Variants in ABHD18 observed in about 807,000 individuals in gnomAD.
ABHD18 encodes cardiolipin-specific deacylase, mitochondrial.
In ABHD18, 55 loss-of-function variants were observed where a neutral mutation model predicts 65.9. The ratio of observed to expected loss-of-function variants is 0.84; its 90% CI spans 0.67 to 1.05. The LOEUF (loss-of-function observed/expected upper bound fraction) is 1.05, where lower values mean the gene tolerates loss of function less well. Ranked by LOEUF, ABHD18 falls within the 50% of genes least tolerant of loss-of-function variation. ABHD18 has a pLI of 0.00. For synonymous variants in ABHD18, 181 were observed against 180.2 expected (o/e 1.00, Z -0.04); for missense variants, 533 against 558.5 (o/e 0.95, Z 0.46).
In ABHD18 at chr4:128,017,435, C is replaced by T. The variant is rs372458384; in HGVS notation, c.543C>T (p.Leu181=). The change falls in exon 8 of 13, where the codon CTC becomes CTT. Residue 181 remains leucine, a synonymous_variant. Coordinates refer to ENST00000645843, the MANE Select transcript of ABHD18 (RefSeq NM_001358451.3). Reference sequence around the variant, plus strand: ...CTCTTGTTTTAGAATCTGCAGCTCTCTTGCACTGGCTAGAGAGGGAAGGTT... The same window carrying T: ...CTCTTGTTTTAGAATCTGCAGCTCTTTTGCACTGGCTAGAGAGGGAAGGTT... The part of the protein sequence containing the change: ...GGALVLESAA[L]LHWLEREGYG... 23 of 1,613,594 alleles carry T rather than the reference C, an allele frequency of 1.4e-5. No individual in the cohort carries two copies. Among genetic ancestry groups the T allele is most frequent in the Non-Finnish European group, 1.9e-5 (22 of 1,179,796 alleles).
chr4:128,011,578 TATTAA>T, intron 6 of ABHD18, 90 bp from the exon 7 acceptor site: 1 of 832,588 alleles, frequency 1.2e-6, no homozygotes, highest in East Asian at 2.8e-5. Flanking sequence ...GTTATTTCAG[TATTAA>T]ATTGTGTAAA....
At chr4:128,023,095 A>G (rs1277506276) in intron 10 of ABHD18, among the ~76,000 whole-genome samples, 2 of 151,912 alleles carry the variant, frequency 1.3e-5, no homozygotes, top group African/African-American at 2.4e-5. Flanking sequence ...TAAATTTTTT[A>G]CTGTTTGAAA....
chr4:128,028,835 CAT>C lies in ABHD18; in HGVS notation c.1163_1164del (p.His388ArgfsTer9). ...GAAAGGAGTCATGGATGAATGTACT[CAT>C]GTAGCAAATTTCTCAGGTACTAATT... ...FMKGVMDECT[H>X]VANFSVPVDP... On this transcript the variant is annotated frameshift_variant, in exon 11 of 13. Transcript: ENST00000645843. LOFTEE classifies it high-confidence loss of function. The C allele has an allele frequency of 6.4e-7, 1 of 1,553,418 alleles. No individual in the cohort carries two copies. Among genetic ancestry groups the C allele is most frequent in the South Asian group, 1.2e-5 (1 of 81,488 alleles).
rs541490315 is a variant in ABHD18 at position 127,982,906 on chromosome 4, T to C, written c.-17-33T>C. On this transcript the variant is annotated intron_variant, in intron 1 of 12. Coordinates refer to ENST00000645843, the MANE Select transcript of ABHD18 (RefSeq NM_001358451.3). Reference sequence around the variant, plus strand: ...ACCTGCTACCTTGAAACAAATAAAATATTTTAAAGCCATTTTAAATTTTGT... The same window carrying C: ...ACCTGCTACCTTGAAACAAATAAAACATTTTAAAGCCATTTTAAATTTTGT... The C allele has an allele frequency of 5.9e-6, 7 of 1,182,950 alleles. No homozygotes were observed. In the South Asian group the frequency reaches 1.1e-4, roughly 19 times the overall value. 73.3% of individuals were successfully genotyped at this position (1,182,950 alleles called of 1,614,324 possible).
chr4:127,971,565 A>G (rs1448519289), intron 1 of ABHD18, among the ~76,000 whole-genome samples: 1 of 122,646 alleles, frequency 8.2e-6, no homozygotes. Context: ...ATCCTGGCTT[A>G]CTGCAACCTC....
chr4:128,001,779 C>G, intron 4 of ABHD18: 1 of 1,540,218 alleles, frequency 6.5e-7, no homozygotes, highest in Non-Finnish European at 8.7e-7. Flanking sequence ...CCAGTTATTT[C>G]TCTCTAGAAA....
At chr4:127,977,844 T>C (rs1230313424) in intron 1 of ABHD18, among the ~76,000 whole-genome samples, 1 of 152,120 alleles carries the variant, frequency 6.6e-6, no homozygotes, top group Non-Finnish European at 1.5e-5. Context: ...ATGGTAGTTA[T>C]CACAAATACT....
intron 10 of ABHD18, among the ~76,000 whole-genome samples, chr4:128,026,367 G>A (rs1210009707): frequency 2.0e-5 from 3 of 151,824 alleles, no homozygotes; most frequent in African/African-American, 4.8e-5. Context: ...GCTGAGGCAG[G>A]AGAATCGCTT....
rs763242274 is a variant in ABHD18, at chr4:128,009,058, A to G, written c.358-49A>G. 1.5e-5 allele frequency: 23 copies of G among 1,583,274 alleles called. 1 individual carries two copies. Among genetic ancestry groups the G allele is most frequent in the Middle Eastern group, 3.3e-4 (2 of 5,996 alleles). ...AATTTGTTAACATATTCTCCTTAAC[A>G]GAAGTGGCTACTATATTCTTTTGAG... On this transcript the variant is annotated intron_variant, in intron 5 of 12. Coordinates refer to ENST00000645843, the MANE Select transcript of ABHD18 (RefSeq NM_001358451.3).
intron 1 of ABHD18, among the ~76,000 whole-genome samples, chr4:127,978,063 A>G (rs1318678946): frequency 1.3e-5 from 2 of 152,130 alleles, no homozygotes; most frequent in Non-Finnish European, 2.9e-5. Context: ...TTATGTCATG[A>G]CATAAACTGA....
intron 1 of ABHD18, among the ~76,000 whole-genome samples, chr4:127,979,791 C>CA (rs111438736): frequency 6.6e-6 from 1 of 151,550 alleles, no homozygotes; most frequent in African/African-American, 2.4e-5. Flanking sequence ...TGCTGTGTGC[C>CA]TGTAATCCCA....
At chr4:128,016,735 C>T (rs895578468) in intron 7 of ABHD18, among the ~76,000 whole-genome samples, 1 of 151,980 alleles carries the variant, frequency 6.6e-6, no homozygotes, top group African/African-American at 2.4e-5. Context: ...AGATCCATGC[C>T]ACTGCAACTC....
intron 6 of ABHD18, 143 bp downstream of exon 6, chr4:128,009,334 C>A: frequency 2.2e-6 from 1 of 461,208 alleles, no homozygotes; most frequent in Non-Finnish European, 3.7e-6. Flanking sequence ...GAGCAAGAAT[C>A]AAAAGGAGTG....
At position 128,037,572 on chromosome 4, in the gene ABHD18, A is replaced by T. The variant is rs1000329411; in HGVS notation, c.*1759A>T. 3.3e-5 allele frequency: 5 copies of T among 152,088 alleles called. No homozygotes were observed. Among genetic ancestry groups the T allele is most frequent in the African/African-American group, 1.2e-4 (5 of 41,436 alleles). 9.4% of individuals were successfully genotyped at this position (152,088 alleles called of 1,614,324 possible). A position where few individuals can be genotyped will look rare whatever the true frequency, so the allele number is the denominator to read the frequency against. ...AAGCTGGTCTCGAATTCCTGACCTC[A>T]AGTGATATGCCTGCCTTGGCCTCCC... On this transcript the variant is annotated 3_prime_UTR_variant, in exon 13 of 13. Transcript: ENST00000645843.
intron 1 of ABHD18, among the ~76,000 whole-genome samples, chr4:127,975,803 C>T (rs1579137206): frequency 6.6e-6 from 1 of 151,850 alleles, no homozygotes; most frequent in African/African-American, 2.4e-5. Context: ...GGATAATTTA[C>T]TTATTTATTT....
intron 7 of ABHD18, among the ~76,000 whole-genome samples, chr4:128,013,558 C>G (rs904316295): frequency 5.3e-5 from 8 of 152,086 alleles, no homozygotes; most frequent in Admixed American, 3.9e-4. Context: ...AAAATCCGGG[C>G]GTGGTGGTGG....
At chr4:128,029,487 C>T (rs1381475777) in intron 11 of ABHD18, among the ~76,000 whole-genome samples, 1 of 151,676 alleles carries the variant, frequency 6.6e-6, no homozygotes, top group Non-Finnish European at 1.5e-5. Flanking sequence ...TTGACACCAG[C>T]CCGGGCAACA....
intron 4 of ABHD18, among the ~76,000 whole-genome samples, chr4:127,994,609 CA>C (rs1322162042): frequency 1.3e-5 from 2 of 152,014 alleles, no homozygotes; most frequent in African/African-American, 4.8e-5. Context: ...AAAAAACAAA[CA>C]AAATGTCCAT....
At chr4:128,004,462 G>GA (rs1753247140) in intron 4 of ABHD18, among the ~76,000 whole-genome samples, 1 of 150,100 alleles carries the variant, frequency 6.7e-6, no homozygotes, top group South Asian at 2.1e-4. Context: ...AAAAAAAAAA[G>GA]AAAAAAAAGA....
Sources: allele counts gnomAD v4.1 joint callset (sites outside exome capture counted in the v4.1 genomes callset), GRCh38; gene constraint gnomAD v4.1.1; transcripts MANE v1.5; gene names NCBI Gene and HGNC (gene_info 2026-07-23, HGNC 2026-07-21).